The following SMOX variants were observed in gnomAD, a reference collection of about 807,000 sequenced individuals.
The protein encoded by SMOX is flavin containing amine oxidase.
In SMOX, 22 loss-of-function variants were observed where a neutral mutation model predicts 51.0. That is an observed-to-expected ratio of 0.43 (90% confidence interval 0.31 to 0.62). SMOX has a LOEUF of 0.62. SMOX is among the 20% of genes least tolerant of loss of function. The pLI is 0.10. For missense variants in SMOX, 566 were observed against 777.7 expected (o/e 0.73, Z 3.24); for synonymous variants, 282 against 307.8 (o/e 0.92, Z 0.88).
intron 1 of SMOX, among the ~76,000 whole-genome samples, chr20:4,168,854 GCTCT>G (rs989533818): frequency 2.7e-5 from 4 of 149,678 alleles, no homozygotes; most frequent in Non-Finnish European, 4.5e-5. Flanking sequence ...ACCATGCCTG[GCTCT>G]CTCTCTCTTT....
chr20:4,157,966 T>C (rs1986099070), intron 1 of SMOX, among the ~76,000 whole-genome samples: 1 of 152,084 alleles, frequency 6.6e-6, no homozygotes, highest in Non-Finnish European at 1.5e-5. Context: ...AGCGGCGCGA[T>C]CTCGGCTCAC....
Position 4,187,172 on chromosome 20 carries a change from T to C in SMOX, c.1531-98T>C. 1 of 1,435,204 alleles carries C rather than the reference T, an allele frequency of 7.0e-7. No homozygotes were observed. The allele number at this position is 1,435,204 out of a possible 1,614,324, so 88.9% of individuals were successfully genotyped here. On this transcript the variant is annotated intron_variant, in intron 6 of 6. Transcript: ENST00000305958. This position sits in a 1 kb window ranked among gnomAD's most constrained non-coding sequence, Gnocchi z 4.8. ...CCTGCGTCTCAGAGCCTCTCTAATTTGTCATTGGGATGGGAGGTTCTGGTG... is the reference window on the plus strand; with the variant it reads ...CCTGCGTCTCAGAGCCTCTCTAATTCGTCATTGGGATGGGAGGTTCTGGTG...
rs1985610426 is a variant in SMOX at position 4,149,363 on chromosome 20, G to C, written c.-27+386G>C. 6.6e-6 allele frequency among the ~76,000 whole-genome samples: 1 copy of C among 151,942 alleles called. No homozygotes were observed. Among genetic ancestry groups the C allele is most frequent in the Admixed American group, 6.5e-5 (1 of 15,276 alleles). ...CCTGCAGGCGCGCTCCGTGGGCGCA[G>C]ACAAAGCCGGGCGCGGACGCCCCGC... On this transcript the variant is annotated intron_variant, in intron 1 of 6. Transcript: ENST00000305958. This position sits in a 1 kb window ranked among gnomAD's most constrained non-coding sequence, Gnocchi z 6.0.
intron 3 of SMOX, among the ~76,000 whole-genome samples, chr20:4,180,418 T>C (rs991261004): frequency 6.6e-6 from 1 of 152,164 alleles, no homozygotes; most frequent in Non-Finnish European, 1.5e-5. Flanking sequence ...CAGACATGTG[T>C]GCTGACCACA....
In SMOX at chr20:4,181,425, C is replaced by G. The variant is rs772479840; in HGVS notation, c.436-378C>G. Among the ~76,000 whole-genome samples the G allele has an allele frequency of 1.1e-4, 16 of 152,198 alleles. No individual in the cohort carries two copies. Among genetic ancestry groups the G allele is most frequent in the Admixed American group, 7.2e-4 (11 of 15,286 alleles). ...GAAAGTGCACGTATCGTTCTTGGAA[C>G]AGGTAAATGTGTGCAAATGCCCATC... On this transcript the variant is annotated intron_variant, in intron 3 of 6. Transcript: ENST00000305958. The surrounding 1 kb of genome is among the most constrained non-coding windows in gnomAD (Gnocchi z 5.6).
In SMOX at chr20:4,182,015, T is replaced by G. The variant is rs1260234106; in HGVS notation, c.609+39T>G. On this transcript the variant is annotated intron_variant, in intron 4 of 6. Transcript: ENST00000305958. This position sits in a 1 kb window ranked among gnomAD's most constrained non-coding sequence, Gnocchi z 8.4. Reference sequence around the variant, plus strand: ...GACGGATTCTGGGGGCGTCTGGGTCTGAGGAGGGCTACGCTGCTCCTACCC... The same window carrying G: ...GACGGATTCTGGGGGCGTCTGGGTCGGAGGAGGGCTACGCTGCTCCTACCC... 1 of 1,608,534 alleles carries G rather than the reference T, an allele frequency of 6.2e-7. No homozygotes were observed. Among genetic ancestry groups the G allele is most frequent in the Admixed American group, 1.7e-5 (1 of 59,640 alleles).
At chr20:4,155,993 T>G (rs530726475) in intron 1 of SMOX, among the ~76,000 whole-genome samples, 22 of 152,160 alleles carry the variant, frequency 1.4e-4, no homozygotes, top group Non-Finnish European at 2.9e-4. Flanking sequence ...CTTTGATCCC[T>G]GCCCCTGGGC....
At chr20:4,155,423 G>A (rs567937258) in intron 1 of SMOX, among the ~76,000 whole-genome samples, 53 of 151,862 alleles carry the variant, frequency 3.5e-4, no homozygotes, top group African/African-American at 1.1e-3. Context: ...AGTGGGGGGG[G>A]CCTGGATGCT....
In SMOX at chr20:4,177,014, C is replaced by T. The variant is rs977094421; in HGVS notation, c.209-337C>T. Among the ~76,000 whole-genome samples, 11 of 152,234 alleles carry T rather than the reference C, an allele frequency of 7.2e-5. No individual in the cohort carries two copies. Among genetic ancestry groups the T allele is most frequent in the African/African-American group, 1.9e-4 (8 of 41,538 alleles). On this transcript the variant is annotated intron_variant, in intron 2 of 6. Coordinates refer to ENST00000305958, the MANE Select transcript of SMOX (RefSeq NM_175839.3). This position sits in a 1 kb window ranked among gnomAD's most constrained non-coding sequence, Gnocchi z 4.3. Reference sequence around the variant, plus strand: ...CTCAGGTACCCACAGTGCTTCTCCCCGGTGAGGAGGCACCAGTGAGGAAGT... The same window carrying T: ...CTCAGGTACCCACAGTGCTTCTCCCTGGTGAGGAGGCACCAGTGAGGAAGT...
At chr20:4,151,165 G>A (rs1382062945) in intron 1 of SMOX, among the ~76,000 whole-genome samples, 1 of 152,024 alleles carries the variant, frequency 6.6e-6, no homozygotes, top group East Asian at 1.9e-4. Context: ...GAAACCAGGA[G>A]CACAACTCCA....
rs570601689 is a variant in SMOX, at chr20:4,154,939, G to A, written c.-27+5962G>A. Among the ~76,000 whole-genome samples the A allele has an allele frequency of 5.3e-5, 8 of 152,200 alleles. No homozygotes were observed. In the South Asian group the frequency reaches 1.7e-3, roughly 32 times the overall value. On this transcript the variant is annotated intron_variant, in intron 1 of 6. Transcript: ENST00000305958. ...GCAGGGGCCACTCTGCTGGGAGCTG[G>A]GGCTGTGTGAGGGCCTCTGGGTGCT... is the stretch of plus-strand genomic sequence containing the variant.
intron 6 of SMOX, among the ~76,000 whole-genome samples, chr20:4,184,560 C>T (rs1249104150): frequency 6.7e-6 from 1 of 149,860 alleles, no homozygotes; most frequent in Non-Finnish European, 1.5e-5. Context: ...GAGTTTCCCC[C>T]ATCAAGTAGA....
rs1486724800 is a variant in SMOX at position 4,149,441 on chromosome 20, C to T, written c.-27+464C>T. On this transcript the variant is annotated intron_variant, in intron 1 of 6. Transcript: ENST00000305958. The surrounding 1 kb of genome is among the most constrained non-coding windows in gnomAD (Gnocchi z 6.0). ...CACCGGGGAGAGGACAGAAGGCTCCCGGGTGATGGCCCGAACGCCAGGAGA... is the reference window on the plus strand; with the variant it reads ...CACCGGGGAGAGGACAGAAGGCTCCTGGGTGATGGCCCGAACGCCAGGAGA... 6.6e-6 allele frequency among the ~76,000 whole-genome samples: 1 copy of T among 151,132 alleles called. No homozygotes were observed. The highest frequency in any genetic ancestry group is 1.5e-5 in the Non-Finnish European group (1 of 67,828).
At position 4,182,566 on chromosome 20, in the gene SMOX, G is replaced by A. The variant is rs1979420035; in HGVS notation, c.1087G>A (p.Gly363Ser). 1 of 1,614,042 alleles carries A rather than the reference G, an allele frequency of 6.2e-7. No homozygotes were observed. Among genetic ancestry groups the A allele is most frequent in the Non-Finnish European group, 8.5e-7 (1 of 1,179,994 alleles). ...GGCTGCCATCCACCGCCTGGGCATTGGCACCACCGACAAGATCTTTCTGGA... is the reference window on the plus strand; with the variant it reads ...GGCTGCCATCCACCGCCTGGGCATTAGCACCACCGACAAGATCTTTCTGGA... ...KVAAIHRLGI[G>S]TTDKIFLEFE... The change falls in exon 5 of 7, where the codon GGC (glycine) becomes AGC (serine). Residue 363 changes from glycine to serine, a missense_variant. Around this residue, in one of 3 missense-constraint regions of SMOX, gnomAD observed 347 missense variants for 481.8 expected, o/e 0.72. Coordinates refer to ENST00000305958, the MANE Select transcript of SMOX (RefSeq NM_175839.3). This position sits in a 1 kb window ranked among gnomAD's most constrained non-coding sequence, Gnocchi z 8.4.
chr20:4,158,102 T>C (rs12625566), intron 1 of SMOX, among the ~76,000 whole-genome samples: 21 of 148,136 alleles, frequency 1.4e-4, no homozygotes, highest in South Asian at 2.1e-4. Flanking sequence ...GTGTTTCACC[T>C]TGTTAGCCAG....
chr20:4,169,967 A>G lies in SMOX; in HGVS notation c.-26-5063A>G, dbSNP rs547376529. 1.2e-4 allele frequency among the ~76,000 whole-genome samples: 18 copies of G among 152,234 alleles called. No homozygotes were observed. In the East Asian group the frequency reaches 3.5e-3, roughly 29 times the overall value. Reference sequence around the variant, plus strand: ...GGAGTTGTGATTGAGAACTGAAGCTAGAAAGGCCAGCTGGGTCCAGAGGGC... The same window carrying G: ...GGAGTTGTGATTGAGAACTGAAGCTGGAAAGGCCAGCTGGGTCCAGAGGGC... On this transcript the variant is annotated intron_variant, in intron 1 of 6. Transcript: ENST00000305958.
At chr20:4,151,886 A>T (rs1320089413) in intron 1 of SMOX, among the ~76,000 whole-genome samples, 2 of 152,204 alleles carry the variant, frequency 1.3e-5, no homozygotes, top group Admixed American at 1.3e-4. Flanking sequence ...AGTGCCTGGC[A>T]TGTAGCTGAT....
In SMOX at chr20:4,186,715, TG is replaced by T. The variant is rs773182301; in HGVS notation, c.1531-552del. On this transcript the variant is annotated intron_variant, in intron 6 of 6. Coordinates refer to ENST00000305958, the MANE Select transcript of SMOX (RefSeq NM_175839.3). ...ATCACATATGACGCTGTTTAGTAAT[TG>T]GGTTTCATGTCTGGCTTCCTCACCA... 2.7e-5 allele frequency: 21 copies of T among 780,310 alleles called. No homozygotes were observed. In the East Asian group the frequency reaches 3.2e-4, roughly 12 times the overall value. 48.3% of individuals were successfully genotyped at this position (780,310 alleles called of 1,614,324 possible).
At chr20:4,168,516 C>G (rs994860523) in intron 1 of SMOX, among the ~76,000 whole-genome samples, 3 of 151,072 alleles carry the variant, frequency 2.0e-5, no homozygotes, top group Non-Finnish European at 4.4e-5. Flanking sequence ...AGCCTGTGTT[C>G]GGAGGGGGCC....
Sources: allele counts gnomAD v4.1 joint callset (sites outside exome capture counted in the v4.1 genomes callset), GRCh38; gene constraint gnomAD v4.1.1; regional missense constraint gnomAD v4.1.1; non-coding constraint Gnocchi (gnomAD v3.1); transcripts MANE v1.5; gene names NCBI Gene and HGNC (gene_info 2026-07-23, HGNC 2026-07-21).